The following LYPD6B variants were observed in gnomAD, a reference collection of about 807,000 sequenced individuals.
LYPD6B encodes the protein LY6/PLAUR domain containing 6B.
In LYPD6B, 17 loss-of-function variants were observed where a neutral mutation model predicts 22.8. That is an observed-to-expected ratio of 0.75 (90% confidence interval 0.51 to 1.12). LYPD6B has a LOEUF of 1.12. LYPD6B is among the 50% of genes most tolerant of loss of function. The pLI, the probability that LYPD6B is intolerant of heterozygous loss-of-function variation, is 0.00. For missense variants in LYPD6B, 221 were observed against 258.3 expected (o/e 0.86, Z 0.99); for synonymous variants, 106 against 91.6 (o/e 1.16, Z -0.90).
At chr2:149,166,252 G>C (rs1178592903) in intron 3 of LYPD6B, among the ~76,000 whole-genome samples, 3 of 152,110 alleles carry the variant, frequency 2.0e-5, no homozygotes, top group Non-Finnish European at 4.4e-5. Context: ...TTTTAATCTA[G>C]GGTTTGTTGA....
intron 3 of LYPD6B, among the ~76,000 whole-genome samples, chr2:149,167,965 T>C (rs1213770349): frequency 6.6e-6 from 1 of 151,872 alleles, no homozygotes; most frequent in Non-Finnish European, 1.5e-5. Context: ...GCCTGTAAAC[T>C]TTGGAAGGCC....
intron 6 of LYPD6B, among the ~76,000 whole-genome samples, chr2:149,214,100 T>A (rs1369834054): frequency 6.6e-6 from 1 of 152,180 alleles, no homozygotes; most frequent in Non-Finnish European, 1.5e-5. Context: ...GCTGTAATGA[T>A]AAGAATCAGG....
At position 149,135,457 on chromosome 2, in the gene LYPD6B, C is replaced by A. The variant is rs763017893; in HGVS notation, c.5+4504C>A. Among the ~76,000 whole-genome samples, 17 of 151,638 alleles carry A rather than the reference C, an allele frequency of 1.1e-4. 1 individual carries two copies. The South Asian group carries it at 3.6e-3, about 32-fold the overall frequency. ...ATTTTTGGCCAGGCACGGTGACTCA[C>A]GCTTGTAACCCCAGCACTTTGGAAG... On this transcript the variant is annotated intron_variant, in intron 2 of 6. Coordinates refer to ENST00000409642, the MANE Select transcript of LYPD6B (RefSeq NM_177964.5).
intron 3 of LYPD6B, among the ~76,000 whole-genome samples, chr2:149,171,359 A>C (rs1305588059): frequency 6.7e-6 from 1 of 150,316 alleles, no homozygotes. Context: ...TTTCATTATC[A>C]AAAAACAAAT....
chr2:149,132,628 G>T (rs888183560), intron 2 of LYPD6B, among the ~76,000 whole-genome samples: 2 of 151,962 alleles, frequency 1.3e-5, no homozygotes, highest in Non-Finnish European at 2.9e-5. Context: ...GAGATGTACT[G>T]CTAAAGACTG....
chr2:149,053,390 C>T (rs1028784415), intron 1 of LYPD6B, among the ~76,000 whole-genome samples: 2 of 152,110 alleles, frequency 1.3e-5, no homozygotes, highest in Admixed American at 1.3e-4. Context: ...ATACTATAAA[C>T]AACATTGCAG....
chr2:149,148,868 G>A (rs755401448), intron 2 of LYPD6B, among the ~76,000 whole-genome samples: 50 of 152,160 alleles, frequency 3.3e-4, no homozygotes, highest in Non-Finnish European at 6.3e-4. Flanking sequence ...ACGAACAAGT[G>A]TTTTACAGAC....
At chr2:149,081,183 G>C (rs546366748) in intron 1 of LYPD6B, among the ~76,000 whole-genome samples, 62 of 152,134 alleles carry the variant, frequency 4.1e-4, no homozygotes, top group Non-Finnish European at 7.2e-4. Context: ...AAGATCAAAG[G>C]CCTTTGTAAT....
At chr2:149,095,503 A>G (rs1369047065) in intron 1 of LYPD6B, among the ~76,000 whole-genome samples, 3 of 152,198 alleles carry the variant, frequency 2.0e-5, no homozygotes, top group African/African-American at 7.2e-5. Flanking sequence ...AGAAATTTGT[A>G]TGCACTTAGA....
At chr2:149,148,424 CAAAACACTTAG>C (rs1222249693) in intron 2 of LYPD6B, among the ~76,000 whole-genome samples, 1 of 152,120 alleles carries the variant, frequency 6.6e-6, no homozygotes, top group Non-Finnish European at 1.5e-5. Flanking sequence ...GAGCAGAGGG[CAAAACACTTAG>C]AAGATCATAA....
At chr2:149,172,530 G>A (rs960406294) in intron 3 of LYPD6B, among the ~76,000 whole-genome samples, 1 of 152,132 alleles carries the variant, frequency 6.6e-6, no homozygotes, top group Non-Finnish European at 1.5e-5. Flanking sequence ...TTGTTCAGTG[G>A]TACAACCAGG....
intron 1 of LYPD6B, among the ~76,000 whole-genome samples, chr2:149,058,702 C>T (rs1227138515): frequency 6.6e-6 from 1 of 152,226 alleles, no homozygotes; most frequent in African/African-American, 2.4e-5. Context: ...TCACTACAAC[C>T]TCCACCTCCC....
intron 3 of LYPD6B, among the ~76,000 whole-genome samples, chr2:149,202,171 A>G (rs939459841): frequency 6.6e-5 from 10 of 152,230 alleles, no homozygotes; most frequent in African/African-American, 2.4e-4. Context: ...AGATAAGACT[A>G]GGAATCTGGG....
intron 3 of LYPD6B, among the ~76,000 whole-genome samples, chr2:149,197,025 G>C (rs1370887089): frequency 2.6e-5 from 4 of 152,170 alleles, no homozygotes; most frequent in African/African-American, 9.7e-5. Context: ...AGAGAGCTTT[G>C]ATTGGTTATT....
intron 2 of LYPD6B, among the ~76,000 whole-genome samples, chr2:149,154,920 C>T (rs1689605347): frequency 6.6e-6 from 1 of 152,002 alleles, no homozygotes; most frequent in Non-Finnish European, 1.5e-5. Flanking sequence ...TGAAACAAAA[C>T]CATTTAGTAA....
chr2:149,197,432 A>C (rs1009985497), intron 3 of LYPD6B, among the ~76,000 whole-genome samples: 1 of 152,210 alleles, frequency 6.6e-6, no homozygotes, highest in African/African-American at 2.4e-5. Context: ...GAATCGCTTG[A>C]ACCTGGGAGG....
At chr2:149,172,003 G>A (rs1334705586) in intron 3 of LYPD6B, among the ~76,000 whole-genome samples, 3 of 152,056 alleles carry the variant, frequency 2.0e-5, no homozygotes, top group Admixed American at 1.3e-4. Context: ...GTATTAGTTT[G>A]TTATCATGCT....
chr2:149,075,582 A>G (rs1684843928), intron 1 of LYPD6B, among the ~76,000 whole-genome samples: 1 of 152,248 alleles, frequency 6.6e-6, no homozygotes, highest in African/African-American at 2.4e-5. Flanking sequence ...GAAAAGAAAA[A>G]AGAAAACTCA....
intron 3 of LYPD6B, among the ~76,000 whole-genome samples, chr2:149,181,506 A>G (rs1341061291): frequency 6.6e-6 from 1 of 152,126 alleles, no homozygotes; most frequent in Non-Finnish European, 1.5e-5. Flanking sequence ...GGATTCCAGA[A>G]ACCCAGACTC....
Sources: allele counts gnomAD v4.1 joint callset (sites outside exome capture counted in the v4.1 genomes callset), GRCh38; gene constraint gnomAD v4.1.1; transcripts MANE v1.5; gene names NCBI Gene and HGNC (gene_info 2026-07-23, HGNC 2026-07-21).